The following FBXL20 variants were observed in gnomAD, a reference collection of about 807,000 sequenced individuals.
The protein encoded by FBXL20 is F-box and leucine rich repeat protein 20.
A neutral mutation model predicts 64.0 loss-of-function variants in FBXL20; 11 were observed. That is an observed-to-expected ratio of 0.17 (90% CI 0.11 to 0.28). The LOEUF is 0.28. Ranked by LOEUF, FBXL20 falls within the 10% of genes least tolerant of loss-of-function variation. The pLI, the probability that FBXL20 is intolerant of heterozygous loss-of-function variation, is 1.00. For missense variants in FBXL20, 303 were observed against 526.2 expected, an observed-to-expected ratio of 0.58 and a Z score of 4.15; for synonymous variants, 184 against 189.0, an observed-to-expected ratio of 0.97 and a Z score of 0.22.
chr17:39,283,320 C>G (rs1356476444), intron 7 of FBXL20, among the ~76,000 whole-genome samples: 1 of 152,208 alleles, frequency 6.6e-6, no homozygotes, highest in Non-Finnish European at 1.5e-5. Flanking sequence ...TTGCATTATA[C>G]TTACATAGCT....
chr17:39,346,139 T>C (rs1288552783), intron 1 of FBXL20, among the ~76,000 whole-genome samples: 1 of 151,896 alleles, frequency 6.6e-6, no homozygotes, highest in African/African-American at 2.4e-5. Flanking sequence ...CTGGGCAATA[T>C]AGTGAGATCT....
chr17:39,260,768 A>G lies in FBXL20; in HGVS notation c.*692T>C, dbSNP rs1157440400. ...AAGAGTGTGGGGGGGAGCAACAGAG[A>G]ATGTAAGACAGGTGCACAAGTGTGC... is the stretch of plus-strand genomic sequence containing the variant. On this transcript the variant is annotated 3_prime_UTR_variant, in exon 15 of 15. Transcript: ENST00000264658. 1 of 153,174 alleles carries G rather than the reference A, an allele frequency of 6.5e-6. No individual in the cohort carries two copies. Among genetic ancestry groups the G allele is most frequent in the Non-Finnish European group, 1.5e-5 (1 of 68,400 alleles). 9.5% of individuals were successfully genotyped at this position (153,174 alleles called of 1,614,324 possible). A position where few individuals can be genotyped will look rare whatever the true frequency, so the allele number is the denominator to read the frequency against.
At chr17:39,332,212 G>A (rs796101985) in intron 2 of FBXL20, among the ~76,000 whole-genome samples, 52 of 152,316 alleles carry the variant, frequency 3.4e-4, no homozygotes, top group African/African-American at 1.1e-3. Context: ...CATTGTGTGC[G>A]AGCTTCTCTG....
At chr17:39,272,644 G>C (rs1198831862) in intron 10 of FBXL20, among the ~76,000 whole-genome samples, 1 of 140,906 alleles carries the variant, frequency 7.1e-6, no homozygotes, top group Non-Finnish European at 1.5e-5. Context: ...GGAGGTTACA[G>C]TGAGCCAAGA....
intron 2 of FBXL20, among the ~76,000 whole-genome samples, chr17:39,333,976 A>G (rs1410398808): frequency 6.6e-6 from 1 of 152,194 alleles, no homozygotes; most frequent in Admixed American, 6.5e-5. Context: ...AGGTATACCC[A>G]ACAGCTCATT....
intron 1 of FBXL20, among the ~76,000 whole-genome samples, chr17:39,356,591 A>G (rs1353124790): frequency 6.6e-6 from 1 of 152,072 alleles, no homozygotes; most frequent in Non-Finnish European, 1.5e-5. Context: ...CCTGGACTCA[A>G]GCAATCTGTC....
At chr17:39,324,601 T>C (rs2047392740) in intron 2 of FBXL20, among the ~76,000 whole-genome samples, 1 of 152,166 alleles carries the variant, frequency 6.6e-6, no homozygotes, top group Non-Finnish European at 1.5e-5. Context: ...TTCTTAATAA[T>C]ATTAAAGAGG....
intron 1 of FBXL20, among the ~76,000 whole-genome samples, chr17:39,364,551 A>T (rs2047839720): frequency 6.6e-6 from 1 of 152,222 alleles, no homozygotes; most frequent in Non-Finnish European, 1.5e-5. Flanking sequence ...CAGAGGTTAC[A>T]GTGAGCCAAG....
intron 1 of FBXL20, among the ~76,000 whole-genome samples, chr17:39,388,660 T>C (rs993013569): frequency 6.6e-6 from 1 of 150,844 alleles, no homozygotes; most frequent in Non-Finnish European, 1.5e-5. Flanking sequence ...ATTTTTATAC[T>C]TTTAATAGAG....
At chr17:39,287,700 C>T (rs893504936) in intron 6 of FBXL20, among the ~76,000 whole-genome samples, 2 of 152,026 alleles carry the variant, frequency 1.3e-5, no homozygotes, top group Admixed American at 6.6e-5. Flanking sequence ...CCACCACACC[C>T]GGCTTGTTTT....
rs189975003 is a variant in FBXL20 at position 39,383,969 on chromosome 17, C to T, written c.42+17392G>A. 2.0e-5 allele frequency among the ~76,000 whole-genome samples: 3 copies of T among 152,142 alleles called. No individual in the cohort carries two copies. The East Asian group carries it at 5.8e-4, about 30-fold the overall frequency. Reference sequence around the variant, plus strand: ...AATTTACAGGCCAGGCCTGGTGGCTCATGCCCATAATCCTAGCATTTTGGG... The same window carrying T: ...AATTTACAGGCCAGGCCTGGTGGCTTATGCCCATAATCCTAGCATTTTGGG... On this transcript the variant is annotated intron_variant, in intron 1 of 14. Coordinates refer to ENST00000264658, the MANE Select transcript of FBXL20 (RefSeq NM_032875.3).
At chr17:39,285,311 T>C (rs1157978351) in intron 7 of FBXL20, among the ~76,000 whole-genome samples, 167 bp downstream of exon 7, 1 of 151,448 alleles carries the variant, frequency 6.6e-6, no homozygotes, top group Non-Finnish European at 1.5e-5. Context: ...CACTTTAGTA[T>C]GTCCCATAAT....
chr17:39,278,601 A>T (rs2046921088), intron 9 of FBXL20, among the ~76,000 whole-genome samples: 1 of 138,184 alleles, frequency 7.2e-6, no homozygotes, highest in Non-Finnish European at 1.5e-5. Context: ...AGGCTGGAGT[A>T]CAATGGTGCG....
intron 2 of FBXL20, among the ~76,000 whole-genome samples, chr17:39,318,740 T>C (rs2047320905): frequency 6.6e-6 from 1 of 151,522 alleles, no homozygotes; most frequent in Non-Finnish European, 1.5e-5. Flanking sequence ...AACTCCATCT[T>C]AAACAAACAA....
At chr17:39,358,749 A>G (rs1482660261) in intron 1 of FBXL20, among the ~76,000 whole-genome samples, 3 of 152,142 alleles carry the variant, frequency 2.0e-5, no homozygotes, top group Admixed American at 2.0e-4. Flanking sequence ...TAACAACACT[A>G]TCAACAGAAT....
At position 39,307,644 on chromosome 17, in the gene FBXL20, G is replaced by A. The variant is rs878991059; in HGVS notation, c.105-4005C>T. ...TTCCCATCTTATAGATGAGGATATTGAACAAACTTCTGTTAGTCAAGGGCC... is the reference window on the plus strand; with the variant it reads ...TTCCCATCTTATAGATGAGGATATTAAACAAACTTCTGTTAGTCAAGGGCC... On this transcript the variant is annotated intron_variant, in intron 2 of 14. Coordinates refer to ENST00000264658, the MANE Select transcript of FBXL20 (RefSeq NM_032875.3). Among the ~76,000 whole-genome samples the A allele has an allele frequency of 2.6e-5, 4 of 152,030 alleles. No individual in the cohort carries two copies. The East Asian group carries it at 7.7e-4, about 29-fold the overall frequency.
chr17:39,332,267 CA>C (rs1213622078), intron 2 of FBXL20, among the ~76,000 whole-genome samples: 6 of 152,312 alleles, frequency 3.9e-5, no homozygotes, highest in African/African-American at 9.6e-5. Context: ...GTTAACAGAG[CA>C]GGCCTAAGAA....
chr17:39,330,619 A>G (rs1219917018), intron 2 of FBXL20, among the ~76,000 whole-genome samples: 2 of 152,246 alleles, frequency 1.3e-5, no homozygotes, highest in African/African-American at 4.8e-5. Context: ...CATCTCAAAA[A>G]TAATCAAATA....
chr17:39,397,967 C>A (rs1399678990), intron 1 of FBXL20, among the ~76,000 whole-genome samples: 1 of 145,386 alleles, frequency 6.9e-6, no homozygotes, highest in Non-Finnish European at 1.5e-5. Context: ...AAAACAGAAT[C>A]GTAAAACTAG....
Sources: gnomAD v4.1 joint callset for allele counts (sites outside exome capture counted in the v4.1 genomes callset) on GRCh38, gnomAD v4.1.1 for gene constraint, MANE v1.5 for transcripts, NCBI Gene and HGNC (gene_info 2026-07-23, HGNC 2026-07-21) for gene names.